The following PCDHGA11 variants were observed in gnomAD, a reference collection of about 807,000 sequenced individuals.
PCDHGA11 encodes protocadherin gamma subfamily A, 11.
PCDHGA11 carries 39 observed loss-of-function variants against 60.4 expected under a neutral mutation model. That is an observed-to-expected ratio of 0.65 (90% CI 0.50 to 0.84). PCDHGA11 has a LOEUF of 0.84. Ranked by LOEUF, PCDHGA11 falls within the 40% of genes least tolerant of loss-of-function variation. The pLI is 0.00. For missense variants in PCDHGA11, 1,165 were observed against 1,197.7 expected, an observed-to-expected ratio of 0.97 and a Z score of 0.40; for synonymous variants, 533 against 510.3, an observed-to-expected ratio of 1.04 and a Z score of -0.60.
Position 141,476,758 on chromosome 5 carries a change from G to A in PCDHGA11, c.2434-18049G>A. On this transcript the variant is annotated intron_variant, in intron 1 of 3. Transcript: ENST00000398587. The surrounding 1 kb of genome is among the most constrained non-coding windows in gnomAD (Gnocchi z 7.6). Reference sequence around the variant, plus strand: ...GGGAGCCTAGTCTCCAGTTAGTGCTGACGGCGTTGGACGGAGGGACCCCAG... The same window carrying A: ...GGGAGCCTAGTCTCCAGTTAGTGCTAACGGCGTTGGACGGAGGGACCCCAG... 1 of 1,613,868 alleles carries A rather than the reference G, an allele frequency of 6.2e-7. No homozygotes were observed. The highest frequency in any genetic ancestry group is 1.1e-5 in the South Asian group (1 of 91,086).
At chr5:141,462,547 T>G (rs534942187) in intron 1 of PCDHGA11, among the ~76,000 whole-genome samples, 1 of 152,330 alleles carries the variant, frequency 6.6e-6, no homozygotes, top group African/African-American at 2.4e-5. Flanking sequence ...TCTTTTCTTC[T>G]TCAGTGTTTA....
intron 1 of PCDHGA11, chr5:141,428,440 G>A (rs890993546): frequency 1.0e-5 from 4 of 393,892 alleles, no homozygotes; most frequent in African/African-American, 8.2e-5. Flanking sequence ...GACTAGACCA[G>A]GGGTTTTTCC....
At chr5:141,458,567 TTTTGTTTG>T (rs144471304) in intron 1 of PCDHGA11, among the ~76,000 whole-genome samples, 1 of 151,488 alleles carries the variant, frequency 6.6e-6, no homozygotes, top group Non-Finnish European at 1.5e-5. Flanking sequence ...GGTTTTGGGT[TTTTGTTTG>T]TTTGTTTGTT....
intron 1 of PCDHGA11, chr5:141,427,278 A>G (rs981860450): frequency 2.2e-6 from 1 of 456,706 alleles, no homozygotes; most frequent in Non-Finnish European, 4.4e-6. Context: ...ATGTAAAATT[A>G]TACTAGAAAT....
intron 1 of PCDHGA11, among the ~76,000 whole-genome samples, chr5:141,480,274 G>A (rs111260319): frequency 6.6e-6 from 1 of 152,036 alleles, no homozygotes; most frequent in Non-Finnish European, 1.5e-5. Context: ...CATTAGCTGG[G>A]TGTGTTGGCA....
rs141958687 is a variant in PCDHGA11 at position 141,509,744 on chromosome 5, G to A, written c.2582-1203G>A. 3.3e-3 allele frequency among the ~76,000 whole-genome samples: 509 copies of A among 152,266 alleles called. 3 individuals are homozygous for A. The highest frequency in any genetic ancestry group is 5.5e-3 in the Non-Finnish European group (372 of 68,024). On this transcript the variant is annotated intron_variant, in intron 3 of 3. Coordinates refer to ENST00000398587, the MANE Select transcript of PCDHGA11 (RefSeq NM_018914.3). ...CACCTAGCTGTGGCACTCTGAGCCT[G>A]TGCCTAAAGTGTCCCTGAGATGTCT...
chr5:141,496,511 C>T (rs1161285563), intron 2 of PCDHGA11, among the ~76,000 whole-genome samples: 1 of 152,182 alleles, frequency 6.6e-6, no homozygotes, highest in Non-Finnish European at 1.5e-5. Flanking sequence ...CACAAGGACC[C>T]AGGAGCCCTT....
Position 141,431,677 on chromosome 5 carries a change from G to T in PCDHGA11, c.2433+8017G>T. The T allele has an allele frequency of 1.2e-6, 2 of 1,614,236 alleles. No homozygotes were observed. Among genetic ancestry groups the T allele is most frequent in the Non-Finnish European group, 1.7e-6 (2 of 1,180,050 alleles). ...CAGGGACAATATCAACAATAGGGGAGTTGGACCACGAGGAGTCAGGATTCT... is the reference window on the plus strand; with the variant it reads ...CAGGGACAATATCAACAATAGGGGATTTGGACCACGAGGAGTCAGGATTCT... On this transcript the variant is annotated intron_variant, in intron 1 of 3. Coordinates refer to ENST00000398587, the MANE Select transcript of PCDHGA11 (RefSeq NM_018914.3). The surrounding 1 kb of genome is among the most constrained non-coding windows in gnomAD (Gnocchi z 4.8).
chr5:141,426,643 T>C (rs1280631056), intron 1 of PCDHGA11: 1 of 411,758 alleles, frequency 2.4e-6, no homozygotes, highest in Non-Finnish European at 5.0e-6. Flanking sequence ...CACATAAATG[T>C]GATGATAGAA....
At chr5:141,483,772 G>C (rs2099586910) in intron 1 of PCDHGA11, among the ~76,000 whole-genome samples, 1 of 152,140 alleles carries the variant, frequency 6.6e-6, no homozygotes, top group Non-Finnish European at 1.5e-5. Flanking sequence ...AAAAATATTG[G>C]GGAAGGATAA....
chr5:141,427,504 C>A (rs755936092), intron 1 of PCDHGA11: 8 of 579,302 alleles, frequency 1.4e-5, no homozygotes, highest in Middle Eastern at 2.7e-4. Context: ...ACAGATGGGA[C>A]CCTGGATTGG....
At position 141,421,993 on chromosome 5, in the gene PCDHGA11, A is replaced by G; in HGVS notation, c.766A>G (p.Ile256Val). Reference protein sequence around the residue: ...SVYRVSVPENISSGTRVLMVN... With the variant: ...SVYRVSVPENVSSGTRVLMVN... ...ATATCGCGTGAGTGTTCCAGAAAAC[A>G]TCAGCTCCGGAACTCGGGTGCTGAT... The change falls in exon 1 of 4, where the codon ATC becomes GTC. Residue 256 changes from isoleucine (I) to valine (V), a missense_variant. Physicochemically the swap from Ile to Val is conservative, Grantham distance 29. Coordinates refer to ENST00000398587, the MANE Select transcript of PCDHGA11 (RefSeq NM_018914.3). 6.2e-7 allele frequency: 1 copy of G among 1,609,190 alleles called. No individual in the cohort carries two copies. The highest frequency in any genetic ancestry group is 1.1e-5 in the South Asian group (1 of 90,260).
rs773624580 is a variant in PCDHGA11 at position 141,489,715 on chromosome 5, G to A, written c.2434-5092G>A. On this transcript the variant is annotated intron_variant, in intron 1 of 3. Transcript: ENST00000398587. The surrounding 1 kb of genome is among the most constrained non-coding windows in gnomAD (Gnocchi z 4.5). ...ACGATTCCCACTGGACAGTGCCCAG[G>A]ATCCGGATGTGGGCACCAATACTGT... The A allele has an allele frequency of 6.2e-6, 10 of 1,614,004 alleles. No homozygotes were observed. The highest frequency in any genetic ancestry group is 2.2e-5 in the East Asian group (1 of 44,886).
At position 141,431,871 on chromosome 5, in the gene PCDHGA11, T is replaced by C; in HGVS notation, c.2433+8211T>C. The C allele has an allele frequency of 1.9e-6, 3 of 1,614,234 alleles. No homozygotes were observed. The highest frequency in any genetic ancestry group is 2.5e-6 in the Non-Finnish European group (3 of 1,180,032). The stretch of plus-strand genomic sequence containing the variant: ...GGGACATTAATTGCCCTTTTAAATG[T>C]AAATGACCAAGATTCTGAGGAAAAC... On this transcript the variant is annotated intron_variant, in intron 1 of 3. Coordinates refer to ENST00000398587, the MANE Select transcript of PCDHGA11 (RefSeq NM_018914.3). The surrounding 1 kb of genome is among the most constrained non-coding windows in gnomAD (Gnocchi z 4.8).
intron 1 of PCDHGA11, among the ~76,000 whole-genome samples, chr5:141,443,832 A>G (rs2098407108): frequency 6.6e-6 from 1 of 152,224 alleles, no homozygotes; most frequent in African/African-American, 2.4e-5. Context: ...ATTAGGTAAA[A>G]TGGGTAATAT....
intron 1 of PCDHGA11, chr5:141,423,967 A>T (rs760284844): frequency 5.2e-6 from 6 of 1,153,616 alleles, no homozygotes; most frequent in Non-Finnish European, 6.5e-6. Context: ...TTTTTCTATT[A>T]TCAGTGTATG....
At chr5:141,428,082 G>C (rs776612130) in intron 1 of PCDHGA11, 2 of 1,609,030 alleles carry the variant, frequency 1.2e-6, no homozygotes, top group Non-Finnish European at 8.5e-7. Flanking sequence ...GGGACACAAC[G>C]CTTGGCTGTC....
rs2099697598 is a variant in PCDHGA11 at position 141,490,236 on chromosome 5, C to T, written c.2434-4571C>T. On this transcript the variant is annotated intron_variant, in intron 1 of 3. Coordinates refer to ENST00000398587, the MANE Select transcript of PCDHGA11 (RefSeq NM_018914.3). This position sits in a 1 kb window ranked among gnomAD's most constrained non-coding sequence, Gnocchi z 5.4. ...ACCAGGGACAGCCTGCCATGGAGGG[C>T]CACTGTGTGATTCAAGTGGATGTGG... is the stretch of plus-strand genomic sequence containing the variant. 1 of 1,614,078 alleles carries T rather than the reference C, an allele frequency of 6.2e-7. No homozygotes were observed. The highest frequency in any genetic ancestry group is 1.1e-5 in the South Asian group (1 of 91,088).
Position 141,487,007 on chromosome 5 carries a change from G to A in PCDHGA11, c.2434-7800G>A, listed in dbSNP as rs563548715. The A allele has an allele frequency of 3.1e-6, 5 of 1,614,206 alleles. No homozygotes were observed. In the South Asian group the frequency reaches 5.5e-5, roughly 18 times the overall value. ...TGCTTGGGTTTCCTATCAGCTCCTGGAGGCCCCAGATCCCAGCCTGTTTGC... is the reference window on the plus strand; with the variant it reads ...TGCTTGGGTTTCCTATCAGCTCCTGAAGGCCCCAGATCCCAGCCTGTTTGC... On this transcript the variant is annotated intron_variant, in intron 1 of 3. Transcript: ENST00000398587. This position sits in a 1 kb window ranked among gnomAD's most constrained non-coding sequence, Gnocchi z 5.0.
Sources: allele counts gnomAD v4.1 joint callset (sites outside exome capture counted in the v4.1 genomes callset), GRCh38; gene constraint gnomAD v4.1.1; non-coding constraint Gnocchi (gnomAD v3.1); transcripts MANE v1.5; gene names NCBI Gene and HGNC (gene_info 2026-07-23, HGNC 2026-07-21).